The following TNKS variants were observed in gnomAD, a reference collection of about 807,000 sequenced individuals.
The protein encoded by TNKS is poly [ADP-ribose] polymerase tankyrase-1.
TNKS carries 72 observed loss-of-function variants against 135.8 expected under a neutral mutation model. The observed-to-expected ratio is 0.53, with a 90% CI of 0.44 to 0.64. The LOEUF (loss-of-function observed/expected upper bound fraction) is 0.64, where lower values mean the gene tolerates loss of function less well. TNKS is among the 30% of genes least tolerant of loss of function. The pLI, the probability that TNKS is intolerant of heterozygous loss-of-function variation, is 0.00. For missense variants in TNKS, 1,769 were observed against 1,674.0 expected, an observed-to-expected ratio of 1.06 and a Z score of -0.99; for synonymous variants, 849 against 649.3, an observed-to-expected ratio of 1.31 and a Z score of -4.68.
intron 5 of TNKS, among the ~76,000 whole-genome samples, chr8:9,688,872 C>T (rs966316371): frequency 2.0e-5 from 3 of 152,168 alleles, no homozygotes; most frequent in Non-Finnish European, 4.4e-5. Flanking sequence ...AAGTCCTGAC[C>T]TCAGGTGATC....
intron 3 of TNKS, among the ~76,000 whole-genome samples, chr8:9,661,123 A>G (rs1220741101): frequency 2.6e-5 from 4 of 152,086 alleles, no homozygotes; most frequent in Admixed American, 6.6e-5. Flanking sequence ...GCTCATGGGT[A>G]GGAAGAATCA....
chr8:9,599,459 A>G (rs1298091181), intron 2 of TNKS, among the ~76,000 whole-genome samples: 1 of 152,214 alleles, frequency 6.6e-6, no homozygotes, highest in Non-Finnish European at 1.5e-5. Context: ...TAACTTGCCC[A>G]AGGTCAGACA....
intron 1 of TNKS, among the ~76,000 whole-genome samples, chr8:9,567,333 TA>T (rs1797580664): frequency 1.3e-5 from 2 of 152,352 alleles, no homozygotes; most frequent in African/African-American, 4.8e-5. Context: ...TTTATAAACA[TA>T]AAAAGTGTGA....
At chr8:9,666,393 C>G (rs929137684) in intron 3 of TNKS, among the ~76,000 whole-genome samples, 6 of 152,042 alleles carry the variant, frequency 3.9e-5, no homozygotes, top group Non-Finnish European at 7.4e-5. Context: ...TTAATTTATG[C>G]AAAGGAAAAG....
intron 17 of TNKS, among the ~76,000 whole-genome samples, 193 bp from the exon 18 acceptor site, chr8:9,747,831 A>G (rs147825312): frequency 2.6e-5 from 4 of 152,316 alleles, no homozygotes; most frequent in African/African-American, 7.2e-5. Flanking sequence ...TGAGATTTTG[A>G]AGGAGGCAAG....
chr8:9,702,318 C>A (rs1041006243), intron 5 of TNKS, among the ~76,000 whole-genome samples: 2 of 151,650 alleles, frequency 1.3e-5, no homozygotes, highest in South Asian at 2.1e-4. Flanking sequence ...TGCACACACA[C>A]ACACACACAT....
chr8:9,765,066 T>C (rs1807352862), intron 23 of TNKS, among the ~76,000 whole-genome samples: 1 of 152,188 alleles, frequency 6.6e-6, no homozygotes, highest in Non-Finnish European at 1.5e-5. Context: ...TTGGTCTCCC[T>C]GCTCATGCAC....
At chr8:9,646,860 C>A (rs1800937396) in intron 3 of TNKS, among the ~76,000 whole-genome samples, 1 of 152,080 alleles carries the variant, frequency 6.6e-6, no homozygotes, top group African/African-American at 2.4e-5. Context: ...TCCTTTTGTA[C>A]TCTGGCAGTT....
intron 17 of TNKS, chr8:9,743,617 A>T (rs1233296797): frequency 6.6e-6 from 1 of 152,188 alleles, no homozygotes; most frequent in Non-Finnish European, 1.5e-5. Context: ...GCCGGGTGCA[A>T]TGGCTCATGC....
intron 1 of TNKS, chr8:9,557,303 A>C (rs1259223069): frequency 6.6e-6 from 1 of 152,188 alleles, no homozygotes; most frequent in Non-Finnish European, 1.5e-5. Context: ...CAAAAATCAT[A>C]AAATGATGTT....
chr8:9,717,101 A>ATTTTTTTTTTTT (rs370418249), intron 11 of TNKS, among the ~76,000 whole-genome samples: 4 of 119,322 alleles, frequency 3.4e-5, no homozygotes, highest in African/African-American at 1.2e-4. Flanking sequence ...ATATATATAT[A>ATTTTTTTTTTTT]TTTTCAGGGA....
At chr8:9,666,934 A>G (rs1421836243) in intron 3 of TNKS, among the ~76,000 whole-genome samples, 2 of 152,186 alleles carry the variant, frequency 1.3e-5, no homozygotes, top group African/African-American at 2.4e-5. Context: ...TATATTTCAT[A>G]AAGAAATTCT....
At chr8:9,563,993 C>A (rs938256351) in intron 1 of TNKS, among the ~76,000 whole-genome samples, 1 of 152,098 alleles carries the variant, frequency 6.6e-6, no homozygotes, top group Non-Finnish European at 1.5e-5. Context: ...GCAGCTCTGG[C>A]CTAGAATAGA....
chr8:9,660,348 G>A (rs1007985437), intron 3 of TNKS, among the ~76,000 whole-genome samples: 1 of 152,092 alleles, frequency 6.6e-6, no homozygotes, highest in African/African-American at 2.4e-5. Context: ...ATAAAATACT[G>A]GCAAACCGAA....
At position 9,778,135 on chromosome 8, in the gene TNKS, T is replaced by C. The variant is rs1288534978; in HGVS notation, c.*1399T>C. ...TTCATCAACATTTACCAAGTGCCAT[T>C]GACATTTATAAAAAAAAATGATCCT... On this transcript the variant is annotated 3_prime_UTR_variant, in exon 27 of 27. Transcript: ENST00000310430. The C allele has an allele frequency of 1.6e-5, 1 of 60,710 alleles. No individual in the cohort carries two copies. The highest frequency in any genetic ancestry group is 1.2e-4 in the African/African-American group (1 of 8,404). The allele number at this position is 60,710 out of a possible 1,614,324, so 3.8% of individuals were successfully genotyped here.
intron 3 of TNKS, among the ~76,000 whole-genome samples, chr8:9,643,256 A>AAAT (rs1800787188): frequency 1.4e-5 from 2 of 146,088 alleles, no homozygotes; most frequent in Non-Finnish European, 3.0e-5. Flanking sequence ...TGATTTATAA[A>AAAT]GAAAAGAAGT....
chr8:9,672,918 C>A (rs1253452910), intron 3 of TNKS, among the ~76,000 whole-genome samples: 1 of 152,016 alleles, frequency 6.6e-6, no homozygotes, highest in East Asian at 1.9e-4. Flanking sequence ...TCAAAAAGTT[C>A]TTTCATGTGT....
Position 9,700,069 on chromosome 8 carries a change from C to G in TNKS, c.1108-4594C>G, listed in dbSNP as rs1803721946. Among the ~76,000 whole-genome samples, 3 of 152,094 alleles carry G rather than the reference C, an allele frequency of 2.0e-5. No individual in the cohort carries two copies. In the South Asian group the frequency reaches 6.2e-4, roughly 31 times the overall value. ...AGAAAGCGTTTCTTCTGAGAATCTT[C>G]CCTGGCCCCGTTTCCCTCTGCTTGC... On this transcript the variant is annotated intron_variant, in intron 5 of 26. Transcript: ENST00000310430.
At chr8:9,704,973 G>A (rs548082527) in intron 6 of TNKS, among the ~76,000 whole-genome samples, 3 of 152,042 alleles carry the variant, frequency 2.0e-5, no homozygotes, top group South Asian at 2.1e-4. Flanking sequence ...TTTTATCACC[G>A]TTCTGTTACT....
Sources: gnomAD v4.1 joint callset for allele counts (sites outside exome capture counted in the v4.1 genomes callset) on GRCh38, gnomAD v4.1.1 for gene constraint, MANE v1.5 for transcripts, NCBI Gene and HGNC (gene_info 2026-07-23, HGNC 2026-07-21) for gene names.